PADI4: variants seen among roughly 807,000 people sequenced by gnomAD.
PADI4 encodes protein-arginine deiminase type-4.
A neutral mutation model predicts 75.0 loss-of-function variants in PADI4; 62 were observed. The ratio of observed to expected loss-of-function variants is 0.83; its 90% confidence interval spans 0.67 to 1.02. The LOEUF (loss-of-function observed/expected upper bound fraction) is 1.02, where lower values mean the gene tolerates loss of function less well. PADI4 is among the 50% of genes least tolerant of loss of function. The pLI is 0.00. For missense variants in PADI4, 845 were observed against 850.5 expected (o/e 0.99, Z 0.08); for synonymous variants, 361 against 348.1 (o/e 1.04, Z -0.41).
Position 17,331,055 on chromosome 1 carries a change from A to C in PADI4, c.179A>C (p.Lys60Thr). The C allele has an allele frequency of 6.2e-7, 1 of 1,610,692 alleles. No homozygotes were observed. Among genetic ancestry groups the C allele is most frequent in the Non-Finnish European group, 8.5e-7 (1 of 1,178,496 alleles). ...ATTGCCCACGGCCCTCCAGCCAAGA[A>C]GAAATCCACAGGTTCCTCCACATGG... ...VDIAHGPPAK[K>T]KSTGSSTWPL... Residue 60 changes from lysine (K) to threonine (T), a missense_variant, in exon 2 of 16, where the codon AAG becomes ACG. Lys to Thr is a moderately conservative substitution (Grantham distance 78, BLOSUM62 -1). Transcript: ENST00000375448.
rs141090739 is a variant in PADI4 at position 17,338,665 on chromosome 1, C to T, written c.526+510C>T. ...TCACAGCACTGACACGTAGCAGACTCGGGGTTTGAACCCCGGACGTCCCAA... is the reference window on the plus strand; with the variant it reads ...TCACAGCACTGACACGTAGCAGACTTGGGGTTTGAACCCCGGACGTCCCAA... On this transcript the variant is annotated intron_variant, in intron 5 of 15. Transcript: ENST00000375448. 2.9e-3 allele frequency among the ~76,000 whole-genome samples: 448 copies of T among 152,268 alleles called. 4 individuals carry two copies. The highest frequency in any genetic ancestry group is 4.6e-3 in the Non-Finnish European group (312 of 68,020).
At chr1:17,347,020 C>G (rs987539062) in intron 9 of PADI4, among the ~76,000 whole-genome samples, 5 of 152,086 alleles carry the variant, frequency 3.3e-5, no homozygotes, top group Non-Finnish European at 7.3e-5. Flanking sequence ...TCATCACAAC[C>G]TCTGCCTCCC....
intron 1 of PADI4, among the ~76,000 whole-genome samples, chr1:17,318,984 A>G (rs2073989342): frequency 6.6e-6 from 1 of 150,712 alleles, no homozygotes; most frequent in Admixed American, 6.6e-5. Flanking sequence ...CACTGCGCCC[A>G]GCCTTTTTTT....
intron 3 of PADI4, 56 bp downstream of exon 3, chr1:17,334,065 C>CCCTACAGAGACAT: frequency 1.9e-6 from 2 of 1,076,058 alleles, no homozygotes; most frequent in Non-Finnish European, 2.9e-6. Context: ...ACCTCCTAAT[C>CCCTACAGAGACAT]CCTGCAGGAT....
At chr1:17,359,187 C>A in intron 14 of PADI4, 93 bp from the exon 15 acceptor site, 2 of 940,800 alleles carry the variant, frequency 2.1e-6, no homozygotes, top group Middle Eastern at 3.3e-4. Context: ...CAGGTCCTAC[C>A]CTCCGGCAGG....
At position 17,312,841 on chromosome 1, in the gene PADI4, G is replaced by T. The variant is rs1288351182; in HGVS notation, c.92+4527G>T. On this transcript the variant is annotated intron_variant, in intron 1 of 15. Coordinates refer to ENST00000375448, the MANE Select transcript of PADI4 (RefSeq NM_012387.3). ...AGGAATTTCCTTGTCGGCAAATTGTGAGGGAGATATGTAGCTTTTTTTTTT... is the reference window on the plus strand; with the variant it reads ...AGGAATTTCCTTGTCGGCAAATTGTTAGGGAGATATGTAGCTTTTTTTTTT... Among the ~76,000 whole-genome samples, 6 of 151,142 alleles carry T rather than the reference G, an allele frequency of 4.0e-5. 2 individuals carry two copies. The highest frequency in any genetic ancestry group is 1.5e-4 in the African/African-American group (6 of 41,066).
chr1:17,352,675 C>T (rs1570087198), intron 10 of PADI4, among the ~76,000 whole-genome samples: 1 of 152,066 alleles, frequency 6.6e-6, no homozygotes, highest in East Asian at 1.9e-4. Flanking sequence ...AGGCACCATC[C>T]CCTGGGAGGG....
chr1:17,360,004 T>C (rs1232737345), intron 15 of PADI4, among the ~76,000 whole-genome samples: 1 of 152,194 alleles, frequency 6.6e-6, no homozygotes, highest in Non-Finnish European at 1.5e-5. Flanking sequence ...GACAGTCATC[T>C]TGAGGCCGGG....
intron 1 of PADI4, among the ~76,000 whole-genome samples, chr1:17,311,632 C>T (rs1214066085): frequency 6.6e-6 from 1 of 151,902 alleles, no homozygotes; most frequent in East Asian, 2.0e-4. Context: ...TCACGCAATT[C>T]TCCTGCCTCA....
chr1:17,341,101 CTT>C (rs34852999), intron 6 of PADI4, among the ~76,000 whole-genome samples: 62 of 119,714 alleles, frequency 5.2e-4, no homozygotes, highest in African/African-American at 8.1e-4. Flanking sequence ...GCCTCTGTTT[CTT>C]TTTTTTTTTT....
chr1:17,316,224 T>A (rs1277086257), intron 1 of PADI4, among the ~76,000 whole-genome samples: 1 of 151,446 alleles, frequency 6.6e-6, no homozygotes, highest in Non-Finnish European at 1.5e-5. Context: ...CGAAACCCCG[T>A]CTCTACTAAA....
intron 1 of PADI4, among the ~76,000 whole-genome samples, chr1:17,327,446 G>T (rs781108486): frequency 3.3e-5 from 5 of 151,626 alleles, no homozygotes; most frequent in Admixed American, 3.3e-4. Flanking sequence ...TATTTTAGAT[G>T]TGTTTCTTAT....
intron 1 of PADI4, 55 bp downstream of exon 1, chr1:17,308,369 C>G: frequency 7.4e-7 from 1 of 1,357,170 alleles, no homozygotes; most frequent in Non-Finnish European, 1.1e-6. Context: ...GCTGGATGAC[C>G]CAGTTCTACT....
At chr1:17,358,230 A>G (rs952926358) in intron 13 of PADI4, among the ~76,000 whole-genome samples, 15 of 151,968 alleles carry the variant, frequency 9.9e-5, no homozygotes, top group Non-Finnish European at 1.8e-4. Context: ...CCTGGGCGAC[A>G]GAGCAAGGCT....
At chr1:17,335,164 CAT>C (rs10667653) in intron 3 of PADI4, among the ~76,000 whole-genome samples, 1 of 151,176 alleles carries the variant, frequency 6.6e-6, no homozygotes, top group African/African-American at 2.4e-5. Context: ...TATACACACA[CAT>C]ATATATATAA....
At chr1:17,358,238 G>C (rs375182789) in intron 13 of PADI4, among the ~76,000 whole-genome samples, 2 of 150,468 alleles carry the variant, frequency 1.3e-5, no homozygotes, top group African/African-American at 4.9e-5. Context: ...ACAGAGCAAG[G>C]CTCTGTCTCA....
intron 10 of PADI4, among the ~76,000 whole-genome samples, chr1:17,352,806 G>A (rs2074688961): frequency 6.6e-6 from 1 of 152,340 alleles, no homozygotes; most frequent in Non-Finnish European, 1.5e-5. Context: ...AGTCAAGTGA[G>A]CGTGGATACA....
At chr1:17,324,484 A>C (rs1291989175) in intron 1 of PADI4, among the ~76,000 whole-genome samples, 1 of 151,820 alleles carries the variant, frequency 6.6e-6, no homozygotes, top group Admixed American at 6.6e-5. Context: ...TTCTTTTTTA[A>C]TTTTTAAATT....
At chr1:17,358,226 C>T (rs991761340) in intron 13 of PADI4, among the ~76,000 whole-genome samples, 7 of 150,866 alleles carry the variant, frequency 4.6e-5, no homozygotes, top group South Asian at 2.1e-4. Flanking sequence ...CCAGCCTGGG[C>T]GACAGAGCAA....
Sources: gnomAD v4.1 joint callset for allele counts (sites outside exome capture counted in the v4.1 genomes callset) on GRCh38, gnomAD v4.1.1 for gene constraint, MANE v1.5 for transcripts, NCBI Gene and HGNC (gene_info 2026-07-23, HGNC 2026-07-21) for gene names.